SAXO1: variants seen among roughly 807,000 people sequenced by gnomAD.
The protein encoded by SAXO1 is stabilizer of axonemal microtubules 1, also known as 4930500O09Rik.
SAXO1 carries 21 observed loss-of-function variants against 17.5 expected under a neutral mutation model. The ratio of observed to expected loss-of-function variants is 1.20; its 90% CI spans 0.85 to 1.72. The LOEUF (loss-of-function observed/expected upper bound fraction) is 1.72. Among genes scored for constraint, SAXO1 ranks in the 40% most tolerant of loss-of-function variants. SAXO1 has a pLI of 0.00. For synonymous variants in SAXO1, 274 were observed against 216.5 expected, an observed-to-expected ratio of 1.27 and a Z score of -2.33; for missense variants, 843 against 596.0, an observed-to-expected ratio of 1.41 and a Z score of -4.32.
intron 1 of SAXO1, among the ~76,000 whole-genome samples, chr9:19,040,247 G>T (rs1053524501): frequency 6.6e-6 from 1 of 152,164 alleles, no homozygotes; most frequent in African/African-American, 2.4e-5. Flanking sequence ...AACAGCAAAT[G>T]AATGGTTTAG....
intron 1 of SAXO1, among the ~76,000 whole-genome samples, chr9:19,017,119 G>T (rs1466602967): frequency 2.0e-5 from 3 of 151,890 alleles, no homozygotes; most frequent in Admixed American, 6.6e-5. Flanking sequence ...GACCAGCCTG[G>T]ACAACATAGT....
chr9:18,976,699 T>G (rs73645552), intron 1 of SAXO1, among the ~76,000 whole-genome samples: 6 of 152,222 alleles, frequency 3.9e-5, no homozygotes, highest in Admixed American at 3.9e-4. Context: ...TCCTGAGTCT[T>G]GTGGTTGTAA....
intron 1 of SAXO1, among the ~76,000 whole-genome samples, chr9:18,995,461 G>C (rs368977194): frequency 7.2e-5 from 11 of 152,320 alleles, no homozygotes; most frequent in African/African-American, 2.6e-4. Flanking sequence ...GTCTGAAGTA[G>C]AATTTGTGAT....
chr9:19,027,300 G>A (rs1277877069), intron 1 of SAXO1: 2 of 849,248 alleles, frequency 2.4e-6, no homozygotes, highest in Non-Finnish European at 4.1e-6. Flanking sequence ...CCTGGTGGGT[G>A]TGAACAAAGA....
At chr9:18,952,374 A>C (rs748590098) in intron 1 of SAXO1, among the ~76,000 whole-genome samples, 2 of 152,238 alleles carry the variant, frequency 1.3e-5, no homozygotes, top group African/African-American at 4.8e-5. Context: ...GAAAGAAACC[A>C]AGAATTCCTC....
chr9:18,927,852 G>A lies in SAXO1; in HGVS notation c.*200C>T. 1 of 561,286 alleles carries A rather than the reference G, an allele frequency of 1.8e-6. No homozygotes were observed. The highest frequency in any genetic ancestry group is 3.0e-6 in the Non-Finnish European group (1 of 330,964). 34.8% of individuals were successfully genotyped at this position (561,286 alleles called of 1,614,324 possible). On this transcript the variant is annotated 3_prime_UTR_variant, in exon 4 of 4. Transcript: ENST00000380534. The stretch of plus-strand genomic sequence containing the variant: ...GGGATGCAGTAAAGGAGAAGGTAAG[G>A]GGAGTTAATTAGCCGGTGATTAAAT...
chr9:19,035,217 C>T (rs1835905456), upstream of SAXO1, among the ~76,000 whole-genome samples: 1 of 152,192 alleles, frequency 6.6e-6, no homozygotes, highest in African/African-American at 2.4e-5. Context: ...ATAATTCCCA[C>T]ATGTTGTGGG....
At chr9:18,964,666 C>A (rs977906453) in intron 1 of SAXO1, among the ~76,000 whole-genome samples, 5 of 152,100 alleles carry the variant, frequency 3.3e-5, no homozygotes, top group Admixed American at 3.3e-4. Flanking sequence ...CTTTATTAGT[C>A]TGGCTAGTGG....
At chr9:18,989,485 C>T (rs1833720891) in intron 1 of SAXO1, among the ~76,000 whole-genome samples, 1 of 151,994 alleles carries the variant, frequency 6.6e-6, no homozygotes, top group Non-Finnish European at 1.5e-5. Context: ...CAAAAATATA[C>T]ATTTAATGTA....
At chr9:18,956,853 C>A (rs10963868) in intron 1 of SAXO1, among the ~76,000 whole-genome samples, 9 of 152,254 alleles carry the variant, frequency 5.9e-5, no homozygotes, top group African/African-American at 2.2e-4. Context: ...CACAGCAATG[C>A]GATGAGCGAG....
chr9:18,976,852 AGC>A (rs1279562170), intron 1 of SAXO1, among the ~76,000 whole-genome samples: 1 of 152,276 alleles, frequency 6.6e-6, no homozygotes, highest in Non-Finnish European at 1.5e-5. Context: ...GTGTGCACAC[AGC>A]CTGCCGTCCT....
intron 1 of SAXO1, among the ~76,000 whole-genome samples, chr9:19,043,151 A>C (rs1209281617): frequency 6.6e-6 from 1 of 152,130 alleles, no homozygotes; most frequent in African/African-American, 2.4e-5. Flanking sequence ...CAGCCTGAGC[A>C]ACAGAGCAAA....
At chr9:19,006,045 G>C (rs1435126219) in intron 1 of SAXO1, among the ~76,000 whole-genome samples, 1 of 152,142 alleles carries the variant, frequency 6.6e-6, no homozygotes, top group Non-Finnish European at 1.5e-5. Context: ...TAGTCATTAG[G>C]ATAAATGCAA....
intron 1 of SAXO1, among the ~76,000 whole-genome samples, chr9:18,951,604 C>T (rs139637888): frequency 1.3e-5 from 2 of 152,272 alleles, no homozygotes; most frequent in South Asian, 2.1e-4. Context: ...TCCACCTCGC[C>T]GTCGTATCCC....
intron 1 of SAXO1, among the ~76,000 whole-genome samples, chr9:18,999,019 C>A (rs917234302): frequency 4.6e-5 from 7 of 152,178 alleles, no homozygotes; most frequent in Non-Finnish European, 1.0e-4. Context: ...TGGTAAAGAC[C>A]ACTGATGCTA....
chr9:18,985,219 GC>G (rs1833546021), intron 1 of SAXO1, among the ~76,000 whole-genome samples: 1 of 151,996 alleles, frequency 6.6e-6, no homozygotes, highest in South Asian at 2.1e-4. Context: ...GTGGCTCATG[GC>G]ACCCTAAAAG....
chr9:18,999,406 C>T (rs1287424497), intron 1 of SAXO1, among the ~76,000 whole-genome samples: 1 of 151,848 alleles, frequency 6.6e-6, no homozygotes, highest in African/African-American at 2.4e-5. Context: ...CACCTCCGCC[C>T]AGCCGCCCCA....
intron 1 of SAXO1, among the ~76,000 whole-genome samples, chr9:19,030,754 G>T (rs1296471275): frequency 1.3e-5 from 2 of 152,074 alleles, no homozygotes; most frequent in Non-Finnish European, 2.9e-5. Flanking sequence ...CTGTTTGAGG[G>T]AGAGTAAGAG....
At chr9:19,022,355 G>A (rs750811865) in intron 1 of SAXO1, among the ~76,000 whole-genome samples, 5 of 152,206 alleles carry the variant, frequency 3.3e-5, no homozygotes, top group African/African-American at 1.2e-4. Context: ...CTTCATTCTT[G>A]AAGTGAGTGA....
Sources: allele counts gnomAD v4.1 joint callset (sites outside exome capture counted in the v4.1 genomes callset), GRCh38; gene constraint gnomAD v4.1.1; transcripts MANE v1.5; gene names NCBI Gene and HGNC (gene_info 2026-07-23, HGNC 2026-07-21).